RCOR1: variants seen among roughly 807,000 people sequenced by gnomAD.
The protein encoded by RCOR1 is REST corepressor 1.
Under a neutral mutation model 64.0 loss-of-function variants are expected in RCOR1, and 12 were observed. The ratio of observed to expected loss-of-function variants is 0.19; its 90% confidence interval spans 0.12 to 0.30. RCOR1 has a LOEUF of 0.30. Among genes scored for constraint, RCOR1 ranks in the 10% least tolerant of loss-of-function variants. The probability of loss-of-function intolerance (pLI) is 1.00; values close to 1 mark genes in which losing one functional copy is unlikely to be tolerated. For missense variants in RCOR1, 502 were observed against 621.2 expected, an observed-to-expected ratio of 0.81 and a Z score of 2.04; for synonymous variants, 279 against 227.2, an observed-to-expected ratio of 1.23 and a Z score of -2.05.
At chr14:102,598,042 G>A (rs1567402307) in intron 2 of RCOR1, among the ~76,000 whole-genome samples, 1 of 152,128 alleles carries the variant, frequency 6.6e-6, no homozygotes, top group African/African-American at 2.4e-5. Flanking sequence ...GGCTGGTCGT[G>A]AACTCCCAAC....
intron 2 of RCOR1, among the ~76,000 whole-genome samples, chr14:102,677,152 G>A (rs1177286484): frequency 2.1e-4 from 27 of 129,018 alleles, no homozygotes; most frequent in Middle Eastern, 4.6e-3. Flanking sequence ...CTGGCCGGGC[G>A]GGGGGCTGAC....
At chr14:102,623,495 G>T (rs536313111) in intron 2 of RCOR1, among the ~76,000 whole-genome samples, 1 of 151,400 alleles carries the variant, frequency 6.6e-6, no homozygotes, top group Non-Finnish European at 1.5e-5. Flanking sequence ...TGCAAGCTCC[G>T]CCTCCTGGGT....
chr14:102,662,360 TAG>T (rs1894841240), intron 2 of RCOR1: 2 of 565,868 alleles, frequency 3.5e-6, no homozygotes, highest in South Asian at 2.7e-5. Flanking sequence ...ATCAATGTCA[TAG>T]AGCTTCTTCA....
intron 2 of RCOR1, among the ~76,000 whole-genome samples, chr14:102,621,272 A>G (rs1440728790): frequency 6.6e-6 from 1 of 151,740 alleles, no homozygotes; most frequent in African/African-American, 2.4e-5. Flanking sequence ...ACATCTAGAC[A>G]CGAATTTCTG....
In RCOR1 at chr14:102,730,417, G is replaced by A. The variant is rs897290932; in HGVS notation, c.*3911G>A. The A allele has an allele frequency of 6.2e-6, 1 of 161,408 alleles. No homozygotes were observed. The highest frequency in any genetic ancestry group is 6.4e-5 in the Admixed American group (1 of 15,530). The allele number at this position is 161,408 out of a possible 1,614,324, so 10.0% of individuals were successfully genotyped here. On this transcript the variant is annotated 3_prime_UTR_variant, in exon 12 of 12. Coordinates refer to ENST00000262241, the MANE Select transcript of RCOR1 (RefSeq NM_015156.4). ...ACATTCATTGTGGTGAATGTTCATA[G>A]CATTATAACTGCTTAGCCATTGAAT...
At chr14:102,605,140 T>C (rs1437450407) in intron 2 of RCOR1, among the ~76,000 whole-genome samples, 1 of 151,658 alleles carries the variant, frequency 6.6e-6, no homozygotes, top group East Asian at 1.9e-4. Flanking sequence ...CATTGATTAG[T>C]TGTTTCCATG....
intron 2 of RCOR1, among the ~76,000 whole-genome samples, chr14:102,634,548 A>G (rs1894191400): frequency 6.6e-6 from 1 of 152,016 alleles, no homozygotes; most frequent in African/African-American, 2.4e-5. Context: ...CAGGTAATGC[A>G]TAACAAATAA....
rs557201665 is a variant in RCOR1 at position 102,695,603 on chromosome 14, T to C, written c.446-5675T>C. 36 of 152,674 alleles carry C rather than the reference T, an allele frequency of 2.4e-4. No homozygotes were observed. In the East Asian group the frequency reaches 6.1e-3, roughly 26 times the overall value. The allele number at this position is 152,674 out of a possible 1,614,324, so 9.5% of individuals were successfully genotyped here. A position where few individuals can be genotyped will look rare whatever the true frequency, so the allele number is the denominator to read the frequency against. ...CTCTGTTGCCCAGGCTAGAGTGCAG[T>C]GGTGCGATCTCGGCTCACTGCAACC... is the stretch of plus-strand genomic sequence containing the variant. On this transcript the variant is annotated intron_variant, in intron 3 of 11. Coordinates refer to ENST00000262241, the MANE Select transcript of RCOR1 (RefSeq NM_015156.4).
At chr14:102,598,750 G>C (rs1388506762) in intron 2 of RCOR1, among the ~76,000 whole-genome samples, 2 of 152,078 alleles carry the variant, frequency 1.3e-5, no homozygotes, top group Admixed American at 6.6e-5. Flanking sequence ...GCCTGGCCCT[G>C]ATTCAGTTCT....
chr14:102,660,791 G>A (rs1304472961), intron 2 of RCOR1, among the ~76,000 whole-genome samples: 1 of 152,044 alleles, frequency 6.6e-6, no homozygotes, highest in East Asian at 1.9e-4. Context: ...TTACTATACT[G>A]GTATGCTGAT....
chr14:102,714,202 CA>C (rs1044937043), intron 7 of RCOR1, among the ~76,000 whole-genome samples: 2 of 152,002 alleles, frequency 1.3e-5, no homozygotes, highest in African/African-American at 4.8e-5. Flanking sequence ...AGTATTTGTA[CA>C]AGAAGGAGTG....
Position 102,726,765 on chromosome 14 carries a change from C to A in RCOR1, c.*259C>A, listed in dbSNP as rs1896273353. 1 of 467,638 alleles carries A rather than the reference C, an allele frequency of 2.1e-6. No homozygotes were observed. Among genetic ancestry groups the A allele is most frequent in the South Asian group, 3.3e-5 (1 of 29,956 alleles). 29.0% of individuals were successfully genotyped at this position (467,638 alleles called of 1,614,324 possible). On this transcript the variant is annotated 3_prime_UTR_variant, in exon 12 of 12. Transcript: ENST00000262241. The stretch of plus-strand genomic sequence containing the variant: ...GGGAAGTCTCACGGCCTGCACATCT[C>A]TTGTGACTCTGGGAACCGCCTCTCC...
At chr14:102,673,043 C>G (rs1010022195) in intron 2 of RCOR1, among the ~76,000 whole-genome samples, 2 of 152,190 alleles carry the variant, frequency 1.3e-5, no homozygotes, top group African/African-American at 4.8e-5. Flanking sequence ...CTGCTTAACA[C>G]TGGGATTTGC....
At chr14:102,649,629 G>A (rs1894545553) in intron 2 of RCOR1, 1 of 184,712 alleles carries the variant, frequency 5.4e-6, no homozygotes, top group Non-Finnish European at 1.0e-5. Flanking sequence ...GCACTGCCAA[G>A]TGTCCTTGTG....
rs948101736 is a variant in RCOR1, at chr14:102,726,472, C to G, written c.1424C>G (p.Pro475Arg). ...IKMPEEEDEA[P>R]VLDVRYASAS The stretch of plus-strand genomic sequence containing the variant: ...TTTTTTTCCTCTTGGCCTCAGGCTC[C>G]TGTTCTGGATGTCAGATATGCATCT... The change falls in exon 12 of 12, where the codon CCT (proline) becomes CGT (arginine). Residue 475 changes from proline to arginine, a missense_variant. By Grantham distance (103) the Pro-to-Arg change is moderately radical (BLOSUM62 -2). Transcript: ENST00000262241. The G allele has an allele frequency of 1.3e-6, 2 of 1,591,372 alleles. No homozygotes were observed. The highest frequency in any genetic ancestry group is 1.7e-6 in the Non-Finnish European group (2 of 1,175,730).
At chr14:102,613,123 A>G (rs963712332) in intron 2 of RCOR1, among the ~76,000 whole-genome samples, 43 of 151,698 alleles carry the variant, frequency 2.8e-4, no homozygotes, top group African/African-American at 9.4e-4. Flanking sequence ...TTTTTTTGAG[A>G]TGGAGTCTTG....
intron 2 of RCOR1, among the ~76,000 whole-genome samples, chr14:102,600,979 C>T (rs112915745): frequency 7.9e-5 from 12 of 151,490 alleles, no homozygotes; most frequent in African/African-American, 2.7e-4. Flanking sequence ...CACTTGAGGT[C>T]GGGAGTTCAA....
chr14:102,691,248 GC>G (rs1278450851), intron 3 of RCOR1, among the ~76,000 whole-genome samples: 1 of 151,878 alleles, frequency 6.6e-6, no homozygotes, highest in African/African-American at 2.4e-5. Context: ...ACAAGTGGGA[GC>G]TAAACATTGG....
chr14:102,696,493 T>C (rs1315693097), intron 3 of RCOR1, among the ~76,000 whole-genome samples: 1 of 152,070 alleles, frequency 6.6e-6, no homozygotes, highest in Non-Finnish European at 1.5e-5. Context: ...CCCTGTACAC[T>C]GGGGAAGGGT....
Sources: gnomAD v4.1 joint callset for allele counts (sites outside exome capture counted in the v4.1 genomes callset) on GRCh38, gnomAD v4.1.1 for gene constraint, MANE v1.5 for transcripts, NCBI Gene and HGNC (gene_info 2026-07-23, HGNC 2026-07-21) for gene names.